SGMS1: variants seen among roughly 807,000 people sequenced by gnomAD.
SGMS1 encodes the protein phosphatidylcholine:ceramide cholinephosphotransferase 1.
A neutral mutation model predicts 46.2 loss-of-function variants in SGMS1; 13 were observed. The ratio of observed to expected loss-of-function variants is 0.28; its 90% CI spans 0.18 to 0.45. The LOEUF is 0.45. Ranked by LOEUF, SGMS1 falls within the 20% of genes least tolerant of loss-of-function variation. SGMS1 has a pLI of 1.00. For synonymous variants in SGMS1, 203 were observed against 187.8 expected (o/e 1.08, Z -0.66); for missense variants, 324 against 519.9 (o/e 0.62, Z 3.66).
intron 2 of SGMS1, among the ~76,000 whole-genome samples, chr10:50,537,075 T>C (rs10826161): frequency 0.2 from 30,503 of 152,130 alleles, 3,982 homozygotes; most frequent in East Asian, 0.64. Context: ...CATCTTAGCA[T>C]TTGCATTTCT....
At chr10:50,414,045 A>T (rs1849135213) in intron 6 of SGMS1, among the ~76,000 whole-genome samples, 1 of 152,230 alleles carries the variant, frequency 6.6e-6, no homozygotes, top group South Asian at 2.1e-4. Context: ...TTTTACACTA[A>T]GGTGAAGACG....
At position 50,307,107 on chromosome 10, in the gene SGMS1, C is replaced by T. The variant is rs374967846; in HGVS notation, c.*35G>A. 92 of 1,597,654 alleles carry T rather than the reference C, an allele frequency of 5.8e-5. No homozygotes were observed. Among genetic ancestry groups the T allele is most frequent in the African/African-American group, 2.8e-4 (21 of 74,554 alleles). On this transcript the variant is annotated 3_prime_UTR_variant, in exon 11 of 11. Transcript: ENST00000361781. This position sits in a 1 kb window ranked among gnomAD's most constrained non-coding sequence, Gnocchi z 4.2. Reference sequence around the variant, plus strand: ...TTCTCTCATGGAGTTCTTAGCACTTCGGACAATTTGTCTTTTCCCCACTTT... The same window carrying T: ...TTCTCTCATGGAGTTCTTAGCACTTTGGACAATTTGTCTTTTCCCCACTTT...
intron 3 of SGMS1, among the ~76,000 whole-genome samples, chr10:50,502,843 G>T (rs1399464893): frequency 6.6e-6 from 1 of 152,054 alleles, no homozygotes; most frequent in African/African-American, 2.4e-5. Flanking sequence ...GGACTGATTT[G>T]TTACTGGTCA....
At chr10:50,357,208 A>AT (rs1848168907) in intron 6 of SGMS1, among the ~76,000 whole-genome samples, 1 of 152,188 alleles carries the variant, frequency 6.6e-6, no homozygotes, top group Non-Finnish European at 1.5e-5. Flanking sequence ...AGCCTTTAAT[A>AT]TTATAAAAAC....
intron 3 of SGMS1, among the ~76,000 whole-genome samples, chr10:50,501,382 A>G (rs1269835145): frequency 6.6e-6 from 1 of 152,122 alleles, no homozygotes; most frequent in Non-Finnish European, 1.5e-5. Context: ...TCCATTATGT[A>G]TTTTCTACAT....
At chr10:50,570,071 C>T (rs1167861242) in intron 2 of SGMS1, among the ~76,000 whole-genome samples, 3 of 152,308 alleles carry the variant, frequency 2.0e-5, no homozygotes, top group Non-Finnish European at 2.9e-5. Context: ...GTGGACCCTC[C>T]AAGGAAAAGA....
chr10:50,315,878 A>G (rs1847329907), intron 8 of SGMS1, among the ~76,000 whole-genome samples: 1 of 152,246 alleles, frequency 6.6e-6, no homozygotes, highest in Admixed American at 6.5e-5. Context: ...ATTCTAATGA[A>G]CTACCAAGAA....
At chr10:50,549,183 C>T (rs1838127475) in intron 2 of SGMS1, among the ~76,000 whole-genome samples, 1 of 152,220 alleles carries the variant, frequency 6.6e-6, no homozygotes, top group Admixed American at 6.5e-5. Context: ...ACCCAGCAAT[C>T]CCATTACTGG....
At position 50,623,841 on chromosome 10, in the gene SGMS1, G is replaced by C. The variant is rs1341416863; in HGVS notation, c.-818C>G. 4.1e-6 allele frequency: 4 copies of C among 985,268 alleles called. No individual in the cohort carries two copies. Among genetic ancestry groups the C allele is most frequent in the Non-Finnish European group, 4.8e-6 (4 of 829,976 alleles). The allele number at this position is 985,268 out of a possible 1,614,324, so 61.0% of individuals were successfully genotyped here. ...GACCGGCTCCCTAGGCGCGAGGGGA[G>C]AGCAGTCAGCCCAGGCCGGTCCTTC... On this transcript the variant is annotated 5_prime_UTR_variant, in exon 1 of 11. Transcript: ENST00000361781.
At chr10:50,348,190 AC>A (rs984684271) in intron 6 of SGMS1, among the ~76,000 whole-genome samples, 35 of 152,104 alleles carry the variant, frequency 2.3e-4, no homozygotes, top group African/African-American at 8.2e-4. Context: ...TTTATGACAA[AC>A]CCATAGCCAA....
At chr10:50,387,560 C>A (rs1848700029) in intron 6 of SGMS1, among the ~76,000 whole-genome samples, 1 of 152,154 alleles carries the variant, frequency 6.6e-6, no homozygotes, top group African/African-American at 2.4e-5. Flanking sequence ...TAAACAGACA[C>A]CGCAAGCCAA....
chr10:50,597,165 G>A (rs1401753315), intron 1 of SGMS1, among the ~76,000 whole-genome samples: 1 of 152,144 alleles, frequency 6.6e-6, no homozygotes, highest in African/African-American at 2.4e-5. Flanking sequence ...ATGACAATGA[G>A]CATAACACAT....
At chr10:50,505,578 G>A (rs1488221994) in intron 3 of SGMS1, among the ~76,000 whole-genome samples, 1 of 152,110 alleles carries the variant, frequency 6.6e-6, no homozygotes, top group Non-Finnish European at 1.5e-5. Flanking sequence ...TATAACCAAA[G>A]GCAAACTCAT....
chr10:50,316,822 G>A (rs1847347049), intron 8 of SGMS1, among the ~76,000 whole-genome samples: 1 of 152,142 alleles, frequency 6.6e-6, no homozygotes, highest in Non-Finnish European at 1.5e-5. Context: ...TCAGCAGCCT[G>A]CAACTGAGAA....
intron 3 of SGMS1, among the ~76,000 whole-genome samples, chr10:50,478,304 T>C (rs914991879): frequency 6.6e-6 from 1 of 152,150 alleles, no homozygotes; most frequent in African/African-American, 2.4e-5. Context: ...AAATAAAATA[T>C]TTTTGTCCCC....
At chr10:50,541,684 C>T (rs565087127) in intron 2 of SGMS1, among the ~76,000 whole-genome samples, 16 of 152,228 alleles carry the variant, frequency 1.1e-4, no homozygotes, top group South Asian at 8.3e-4. Flanking sequence ...AAAATGCTGG[C>T]CCCTGGCTGA....
chr10:50,610,822 C>T (rs1185863551), intron 1 of SGMS1, among the ~76,000 whole-genome samples: 10 of 152,144 alleles, frequency 6.6e-5, no homozygotes, highest in Admixed American at 3.9e-4. Flanking sequence ...AAACTCCATA[C>T]GAGCTGAGAC....
chr10:50,432,428 G>T (rs1163341173), intron 6 of SGMS1, among the ~76,000 whole-genome samples: 2 of 152,066 alleles, frequency 1.3e-5, no homozygotes, highest in South Asian at 4.1e-4. Context: ...TCCCAGCCTC[G>T]CTTTCAGTGA....
intron 1 of SGMS1, among the ~76,000 whole-genome samples, chr10:50,610,215 T>A (rs910664990): frequency 6.6e-6 from 1 of 152,204 alleles, no homozygotes; most frequent in Non-Finnish European, 1.5e-5. Context: ...TCAGTGTGTG[T>A]CTGCCTCACC....
Sources: allele counts gnomAD v4.1 joint callset (sites outside exome capture counted in the v4.1 genomes callset), GRCh38; gene constraint gnomAD v4.1.1; non-coding constraint Gnocchi (gnomAD v3.1); transcripts MANE v1.5; gene names NCBI Gene and HGNC (gene_info 2026-07-23, HGNC 2026-07-21).